Variants in GNL3 observed in about 807,000 individuals in gnomAD.
GNL3 encodes G protein nucleolar 3, also known as guanine nucleotide-binding protein-like 3.
Under a neutral mutation model 70.6 loss-of-function variants are expected in GNL3, and 77 were observed. The observed-to-expected ratio is 1.09, with a 90% confidence interval of 0.91 to 1.32. The LOEUF (loss-of-function observed/expected upper bound fraction) is 1.32. Ranked by LOEUF, GNL3 falls within the 40% of genes most tolerant of loss-of-function variation. The probability of loss-of-function intolerance (pLI) is 0.00; values close to 1 mark genes in which losing one functional copy is unlikely to be tolerated. For missense variants in GNL3, 634 were observed against 644.0 expected, an observed-to-expected ratio of 0.98 and a Z score of 0.17; for synonymous variants, 252 against 216.1, an observed-to-expected ratio of 1.17 and a Z score of -1.46.
Position 52,694,470 on chromosome 3 carries a change from A to G in GNL3, c.*195A>G, listed in dbSNP as rs1472415602. ...TTGTGAGTGGAAGTAGTTATCTGGA[A>G]TAAAAAAAGAAGATACCTATTGAAA... On this transcript the variant is annotated 3_prime_UTR_variant, in exon 15 of 15. Transcript: ENST00000418458. The G allele has an allele frequency of 1.7e-6, 1 of 580,538 alleles. No individual in the cohort carries two copies. Among genetic ancestry groups the G allele is most frequent in the African/African-American group, 1.9e-5 (1 of 53,562 alleles). The allele number at this position is 580,538 out of a possible 1,614,324, so 36.0% of individuals were successfully genotyped here.
chr3:52,691,701 GATTT>G, intron 9 of GNL3, 72 bp downstream of exon 9: 1 of 672,234 alleles, frequency 1.5e-6, no homozygotes, highest in East Asian at 3.1e-5. Flanking sequence ...CAAGGAAGGT[GATTT>G]TTTTTTTTTT....
chr3:52,689,648 C>G (rs1347351300), intron 6 of GNL3, among the ~76,000 whole-genome samples: 1 of 152,150 alleles, frequency 6.6e-6, no homozygotes, highest in Non-Finnish European at 1.5e-5. Flanking sequence ...CAGAGAATTA[C>G]AAAGCAGAAA....
chr3:52,690,982 G>A lies in GNL3; in HGVS notation c.692G>A (p.Ser231Asn). The A allele has an allele frequency of 6.2e-7, 1 of 1,613,870 alleles. No individual in the cohort carries two copies. Among genetic ancestry groups the A allele is most frequent in the Non-Finnish European group, 8.5e-7 (1 of 1,179,714 alleles). ...KAKKNAAPFR[S>N]EVCFGKEGLW... ...AAGAAGAATGCTGCTCCATTCAGAA[G>A]TGAAGTCTGCTTTGGGAAAGAGGGC... The change falls in exon 8 of 15, where the codon AGT (serine) becomes AAT (asparagine). Residue 231 changes from serine to asparagine, a missense_variant. By Grantham distance (46) the Ser-to-Asn change is conservative (BLOSUM62 1). Transcript: ENST00000418458.
At chr3:52,691,676 T>A in intron 9 of GNL3, 47 bp downstream of exon 9, 2 of 1,034,426 alleles carry the variant, frequency 1.9e-6, no homozygotes, top group Non-Finnish European at 1.5e-6. Flanking sequence ...ACACACTATT[T>A]TATTTTGGTT....
intron 9 of GNL3, chr3:52,692,628 T>A (rs2097328409): frequency 3.4e-6 from 2 of 595,832 alleles, no homozygotes; most frequent in Non-Finnish European, 6.4e-6. Flanking sequence ...GAAGGTGGCA[T>A]ATTTATAGCA....
At chr3:52,689,314 C>T (rs2097325072) in intron 6 of GNL3, 108 bp downstream of exon 6, 1 of 1,064,382 alleles carries the variant, frequency 9.4e-7, no homozygotes, top group South Asian at 1.3e-5. Context: ...CTCAGCAAAG[C>T]CAGAGTACGT....
intron 5 of GNL3, 50 bp downstream of exon 5, chr3:52,688,242 C>T (rs773866384): frequency 9.3e-7 from 1 of 1,074,846 alleles, no homozygotes; most frequent in Non-Finnish European, 1.4e-6. Flanking sequence ...GTTTAAAAGA[C>T]TCAAGTCATT....
In GNL3 at chr3:52,694,201, T is replaced by G. The variant is rs995952521; in HGVS notation, c.1576T>G (p.Ser526Ala). 6.2e-7 allele frequency: 1 copy of G among 1,600,682 alleles called. No individual in the cohort carries two copies. Among genetic ancestry groups the G allele is most frequent in the Non-Finnish European group, 8.6e-7 (1 of 1,168,434 alleles). ...LSEETTAGEQ[S>A]TRSFILDKII... ...ATTTTCCTGCAATATAGGTGAACAG[T>G]CTACAAGGTCTTTTATCTTGGATAA... is the stretch of plus-strand genomic sequence containing the variant. The change falls in exon 15 of 15, where the codon TCT (serine) becomes GCT (alanine). Residue 526 changes from serine (S) to alanine (A), a missense_variant. Ser to Ala is a moderately conservative substitution (Grantham distance 99, BLOSUM62 1). Transcript: ENST00000418458.
intron 1 of GNL3, 103 bp downstream of exon 1, chr3:52,686,208 G>C (rs761138330): frequency 1.5e-6 from 2 of 1,291,458 alleles, no homozygotes; most frequent in Non-Finnish European, 2.2e-6. Flanking sequence ...TGCTGGTATG[G>C]GGGTGGGAGC....
chr3:52,686,888 C>T (rs1388064215), intron 2 of GNL3, 61 bp downstream of exon 2: 4 of 1,264,796 alleles, frequency 3.2e-6, no homozygotes, highest in Admixed American at 1.8e-5. Flanking sequence ...TTGCCCTGTT[C>T]CTTTGCGGGA....
rs1477658968 is a variant in GNL3, at chr3:52,686,085, C to T, written c.-8C>T. 1.5e-6 allele frequency: 2 copies of T among 1,351,782 alleles called. No homozygotes were observed. Among genetic ancestry groups the T allele is most frequent in the African/African-American group, 2.9e-5 (2 of 70,116 alleles). The allele number at this position is 1,351,782 out of a possible 1,614,324, so 83.7% of individuals were successfully genotyped here. On this transcript the variant is annotated 5_prime_UTR_variant, in exon 1 of 15. The change creates a premature stop within an existing upstream ORF in the 5' untranslated region. Coordinates refer to ENST00000418458, the MANE Select transcript of GNL3 (RefSeq NM_014366.5). ...GTTGATGTGTTTGTGCTTCCTTCTA[C>T]AGCCAATATGAAAAGGCCTAGTAAG... is the stretch of plus-strand genomic sequence containing the variant.
At chr3:52,686,640 T>G in intron 1 of GNL3, 129 bp from the exon 2 acceptor site, 1 of 680,520 alleles carries the variant, frequency 1.5e-6, no homozygotes. Flanking sequence ...ATGTTTGCAT[T>G]AGGCATTTCG....
chr3:52,691,091 T>C lies in GNL3; in HGVS notation c.781+20T>C. On this transcript the variant is annotated intron_variant, in intron 8 of 14. Transcript: ENST00000418458. ...TAATTGGTGAGTTTCAGTTCATTAC[T>C]TTTTACTTTTTAAGTGTTGAAATAG... The C allele has an allele frequency of 6.2e-7, 1 of 1,608,802 alleles. No homozygotes were observed. The highest frequency in any genetic ancestry group is 8.5e-7 in the Non-Finnish European group (1 of 1,175,396).
At chr3:52,690,505 C>T (rs1446594497) in intron 6 of GNL3, 87 bp from the exon 7 acceptor site, 11 of 732,314 alleles carry the variant, frequency 1.5e-5, no homozygotes, top group Non-Finnish European at 2.2e-5. Flanking sequence ...ACTCGTGATC[C>T]GCCTGTCTCG....
Position 52,687,613 on chromosome 3 carries a change from A to G in GNL3, c.322A>G (p.Lys108Glu), listed in dbSNP as rs750586902. ...IKPSNVEPME[K>E]EFGLCKTENK... Reference sequence around the variant, plus strand: ...GCCATCAAATGTGGAACCTATGGAAAAGGTATGATTAGGTCTCTTTATGAA... The same window carrying G: ...GCCATCAAATGTGGAACCTATGGAAGAGGTATGATTAGGTCTCTTTATGAA... The change falls in exon 4 of 15, where the codon AAG becomes GAG. Residue 108 changes from lysine (K) to glutamate (E), a missense_variant and splice_region_variant. Lys to Glu is a moderately conservative substitution (Grantham distance 56). Transcript: ENST00000418458. 2 of 1,563,018 alleles carry G rather than the reference A, an allele frequency of 1.3e-6. No individual in the cohort carries two copies. The highest frequency in any genetic ancestry group is 1.7e-5 in the Admixed American group (1 of 59,838).
rs767328590 is a variant in GNL3 at position 52,687,610 on chromosome 3, G to A, written c.319G>A (p.Glu107Lys). 8 of 1,569,066 alleles carry A rather than the reference G, an allele frequency of 5.1e-6. No individual in the cohort carries two copies. The African/African-American group carries it at 9.5e-5, about 19-fold the overall frequency. ...TAAGCCATCAAATGTGGAACCTATG[G>A]AAAAGGTATGATTAGGTCTCTTTAT... ...DIKPSNVEPM[E>K]KEFGLCKTEN... Residue 107 changes from glutamate to lysine, a missense_variant, in exon 4 of 15, where the codon GAA becomes AAA. Transcript: ENST00000418458.
At chr3:52,691,700 TG>T in intron 9 of GNL3, 71 bp downstream of exon 9, 1 of 767,618 alleles carries the variant, frequency 1.3e-6, no homozygotes, top group Non-Finnish European at 2.1e-6. Context: ...TCAAGGAAGG[TG>T]ATTTTTTTTT....
Position 52,694,053 on chromosome 3 carries a change from T to C in GNL3, c.1517T>C (p.Met506Thr). ...DEEVDENSSG[M>T]FAAEETGEAL... ...GTCACACAGGAAAACAGCTCAGGCA[T>C]GTTTGCTGCAGAAGAGACAGGGGAG... The change falls in exon 14 of 15, where the codon ATG becomes ACG. Residue 506 changes from methionine to threonine, a missense_variant. Physicochemically the swap from Met to Thr is moderately conservative, Grantham distance 81 (BLOSUM62 -1). Coordinates refer to ENST00000418458, the MANE Select transcript of GNL3 (RefSeq NM_014366.5). The C allele has an allele frequency of 6.2e-7, 1 of 1,613,898 alleles. No homozygotes were observed. Among genetic ancestry groups the C allele is most frequent in the Non-Finnish European group, 8.5e-7 (1 of 1,179,742 alleles).
intron 9 of GNL3, 73 bp downstream of exon 9, chr3:52,691,702 A>ATTTTTTTTT (rs34449110): frequency 3.6e-6 from 2 of 559,306 alleles, no homozygotes; most frequent in Non-Finnish European, 6.2e-6. Context: ...AAGGAAGGTG[A>ATTTTTTTTT]TTTTTTTTTT....
Sources: gnomAD v4.1 joint callset for allele counts (sites outside exome capture counted in the v4.1 genomes callset) on GRCh38, gnomAD v4.1.1 for gene constraint, MANE v1.5 for transcripts, NCBI Gene and HGNC (gene_info 2026-07-23, HGNC 2026-07-21) for gene names.